The following NLGN1 variants were observed in gnomAD, a reference collection of about 807,000 sequenced individuals.
NLGN1 encodes the protein neuroligin 1, also known as neuroligin-1.
A neutral mutation model predicts 65.5 loss-of-function variants in NLGN1; 12 were observed. The observed-to-expected ratio is 0.18, with a 90% CI of 0.12 to 0.30. The LOEUF is 0.30. NLGN1 is among the 10% of genes least tolerant of loss of function. The probability of loss-of-function intolerance (pLI) is 1.00; values close to 1 mark genes in which losing one functional copy is unlikely to be tolerated. For missense variants in NLGN1, 750 were observed against 1,007.1 expected (o/e 0.74, Z 3.46); for synonymous variants, 350 against 359.5 (o/e 0.97, Z 0.30).
At chr3:173,618,021 C>T (rs899356802) in intron 3 of NLGN1, among the ~76,000 whole-genome samples, 1 of 152,072 alleles carries the variant, frequency 6.6e-6, no homozygotes, top group African/African-American at 2.4e-5. Context: ...AGGCAAGAAG[C>T]CTGAATACCA....
At chr3:173,803,035 T>C (rs1035468358) in intron 3 of NLGN1, among the ~76,000 whole-genome samples, 46 of 151,914 alleles carry the variant, frequency 3.0e-4, no homozygotes, top group African/African-American at 1.1e-3. Context: ...AGAGACATGG[T>C]TCATCATGTT....
At chr3:173,529,843 A>T (rs1392747323) in intron 2 of NLGN1, among the ~76,000 whole-genome samples, 2 of 152,002 alleles carry the variant, frequency 1.3e-5, no homozygotes, top group African/African-American at 4.8e-5. Context: ...GCTGTGGTGG[A>T]GTTGGCTGGT....
chr3:173,566,909 A>C (rs1020596589), intron 2 of NLGN1, among the ~76,000 whole-genome samples: 4 of 152,156 alleles, frequency 2.6e-5, no homozygotes, highest in African/African-American at 7.2e-5. Context: ...AAACTTTAGA[A>C]AGGGAGATTT....
At chr3:173,891,911 G>C (rs993178216) in intron 4 of NLGN1, among the ~76,000 whole-genome samples, 2 of 149,322 alleles carry the variant, frequency 1.3e-5, no homozygotes, top group Non-Finnish European at 2.9e-5. Flanking sequence ...ATAAATACTT[G>C]ATGAATGAAT....
intron 4 of NLGN1, among the ~76,000 whole-genome samples, chr3:173,899,634 A>T (rs945552887): frequency 1.3e-5 from 2 of 152,132 alleles, no homozygotes; most frequent in Non-Finnish European, 2.9e-5. Flanking sequence ...CAGGAAATCC[A>T]AATTTTCCAT....
intron 4 of NLGN1, among the ~76,000 whole-genome samples, chr3:174,191,034 TC>T (rs1732300688): frequency 6.6e-6 from 1 of 151,986 alleles, no homozygotes; most frequent in East Asian, 1.9e-4. Flanking sequence ...ACTTTCATTT[TC>T]CCACATGCAC....
At chr3:173,932,577 C>G (rs1744300124) in intron 4 of NLGN1, among the ~76,000 whole-genome samples, 1 of 151,680 alleles carries the variant, frequency 6.6e-6, no homozygotes, top group South Asian at 2.1e-4. Context: ...AAGAAATTAG[C>G]TTTAATACTA....
chr3:173,920,651 A>C (rs900569951), intron 4 of NLGN1: 1 of 152,174 alleles, frequency 6.6e-6, no homozygotes, highest in African/African-American at 2.4e-5. Context: ...ATAACACTCT[A>C]TTTAAGGTTC....
intron 2 of NLGN1, among the ~76,000 whole-genome samples, chr3:173,463,941 T>G (rs1374983958): frequency 6.6e-6 from 1 of 152,098 alleles, no homozygotes; most frequent in East Asian, 1.9e-4. Context: ...TACATAAATA[T>G]ACATTTTTCA....
intron 4 of NLGN1, among the ~76,000 whole-genome samples, chr3:174,032,737 A>C (rs1381954694): frequency 6.6e-6 from 1 of 152,104 alleles, no homozygotes; most frequent in African/African-American, 2.4e-5. Flanking sequence ...AGGGAAGAAT[A>C]ATCATTGTAA....
At chr3:174,055,987 C>T (rs9290491) in intron 4 of NLGN1, among the ~76,000 whole-genome samples, 20,760 of 151,370 alleles carry the variant, frequency 0.14, 1,587 homozygotes, top group African/African-American at 0.21. Flanking sequence ...ATTGTGTTAT[C>T]GAATAAGAGA....
chr3:173,954,529 C>T (rs1217058535), intron 4 of NLGN1, among the ~76,000 whole-genome samples: 1 of 152,112 alleles, frequency 6.6e-6, no homozygotes, highest in Non-Finnish European at 1.5e-5. Context: ...GTGGAATCAG[C>T]ATTTCACAAT....
chr3:174,047,267 C>T (rs1203968364), intron 4 of NLGN1, among the ~76,000 whole-genome samples: 1 of 151,876 alleles, frequency 6.6e-6, no homozygotes, highest in African/African-American at 2.4e-5. Context: ...CTATTTTCCA[C>T]AAGTTAGTGA....
At chr3:174,264,672 TCCC>T (rs1280990965) in intron 4 of NLGN1, among the ~76,000 whole-genome samples, 2 of 150,724 alleles carry the variant, frequency 1.3e-5, no homozygotes, top group East Asian at 4.1e-4. Context: ...TGAAGCCTTC[TCCC>T]CTCAGCTCGT....
intron 3 of NLGN1, among the ~76,000 whole-genome samples, chr3:173,713,353 A>G (rs1186276773): frequency 2.0e-5 from 3 of 152,102 alleles, no homozygotes; most frequent in Non-Finnish European, 4.4e-5. Context: ...ACATGGCTTC[A>G]TAACTCGTTC....
At chr3:173,533,141 A>G (rs993109063) in intron 2 of NLGN1, among the ~76,000 whole-genome samples, 8 of 152,180 alleles carry the variant, frequency 5.3e-5, no homozygotes, top group African/African-American at 7.2e-5. Context: ...CTTTAGAACA[A>G]CCTTACATTA....
At chr3:173,488,535 A>G (rs919210423) in intron 2 of NLGN1, among the ~76,000 whole-genome samples, 1 of 152,090 alleles carries the variant, frequency 6.6e-6, no homozygotes, top group Non-Finnish European at 1.5e-5. Context: ...GTTTTAAATT[A>G]TGGTTTAGTT....
At chr3:173,881,960 T>TTA (rs751994757) in intron 4 of NLGN1, among the ~76,000 whole-genome samples, 56 of 152,320 alleles carry the variant, frequency 3.7e-4, no homozygotes, top group Non-Finnish European at 7.2e-4. Flanking sequence ...TATAACCTTT[T>TTA]TAAATGTATT....
intron 3 of NLGN1, among the ~76,000 whole-genome samples, chr3:173,671,747 G>A (rs1354026634): frequency 6.6e-6 from 1 of 152,154 alleles, no homozygotes; most frequent in Non-Finnish European, 1.5e-5. Flanking sequence ...TGACCCAATG[G>A]CAAACACAAG....
Sources: gnomAD v4.1 joint callset for allele counts (sites outside exome capture counted in the v4.1 genomes callset) on GRCh38, gnomAD v4.1.1 for gene constraint, MANE v1.5 for transcripts, NCBI Gene and HGNC (gene_info 2026-07-23, HGNC 2026-07-21) for gene names.